The following MTF1 variants were observed in gnomAD, a reference collection of about 807,000 sequenced individuals.
MTF1 encodes MRE-binding transcription factor.
Under a neutral mutation model 70.4 loss-of-function variants are expected in MTF1, and 22 were observed. The ratio of observed to expected loss-of-function variants is 0.31; its 90% CI spans 0.22 to 0.45. The LOEUF is 0.45. MTF1 is among the 20% of genes least tolerant of loss of function. The pLI is 1.00. For missense variants in MTF1, 649 were observed against 922.0 expected, an observed-to-expected ratio of 0.70 and a Z score of 3.83; for synonymous variants, 333 against 352.8, an observed-to-expected ratio of 0.94 and a Z score of 0.63.
chr1:37,849,739 T>C (rs974094390), intron 2 of MTF1, among the ~76,000 whole-genome samples: 2 of 151,996 alleles, frequency 1.3e-5, no homozygotes, highest in East Asian at 3.9e-4. Flanking sequence ...GAAAACACAG[T>C]TGCCAGGTGT....
At chr1:37,859,219 G>A (rs1240295226) in intron 1 of MTF1, among the ~76,000 whole-genome samples, 1 of 152,366 alleles carries the variant, frequency 6.6e-6, no homozygotes, top group Middle Eastern at 3.4e-3. Flanking sequence ...CCAACGAGGA[G>A]TGCGAACAGA....
intron 2 of MTF1, among the ~76,000 whole-genome samples, chr1:37,851,718 A>G (rs1190835212): frequency 6.6e-6 from 1 of 152,202 alleles, no homozygotes; most frequent in Non-Finnish European, 1.5e-5. Flanking sequence ...ACTTTCACAC[A>G]GTAATCACTG....
At chr1:37,853,253 A>T (rs943244302) in intron 2 of MTF1, among the ~76,000 whole-genome samples, 2 of 152,178 alleles carry the variant, frequency 1.3e-5, no homozygotes, top group African/African-American at 4.8e-5. Context: ...CATTTCTAGG[A>T]GAGTACAGTT....
intron 4 of MTF1, among the ~76,000 whole-genome samples, chr1:37,836,127 A>G (rs997061114): frequency 5.3e-5 from 8 of 152,128 alleles, no homozygotes; most frequent in African/African-American, 1.2e-4. Flanking sequence ...ATAGAAACTA[A>G]AACAAATATT....
intron 2 of MTF1, among the ~76,000 whole-genome samples, chr1:37,854,531 T>A (rs1641461761): frequency 6.6e-6 from 1 of 152,202 alleles, no homozygotes; most frequent in Non-Finnish European, 1.5e-5. Context: ...CTCCACAGTA[T>A]GACAATACAA....
intron 3 of MTF1, 102 bp from the exon 4 acceptor site, chr1:37,838,858 G>A (rs911548827): frequency 5.3e-6 from 5 of 939,962 alleles, no homozygotes; most frequent in African/African-American, 3.4e-5. Context: ...AGGCTGGAGT[G>A]CAATGGCGCA....
chr1:37,856,847 C>T (rs1641504853), intron 2 of MTF1, among the ~76,000 whole-genome samples: 1 of 152,162 alleles, frequency 6.6e-6, no homozygotes. Context: ...CCAGCAGATA[C>T]TCATCTCTAA....
intron 4 of MTF1, among the ~76,000 whole-genome samples, chr1:37,836,357 A>G (rs1309232113): frequency 1.3e-5 from 2 of 152,138 alleles, no homozygotes; most frequent in East Asian, 3.8e-4. Context: ...TCCATATGAA[A>G]AATCTGCCAG....
At chr1:37,834,345 G>GA (rs397694522) in intron 6 of MTF1, among the ~76,000 whole-genome samples, 1 of 148,266 alleles carries the variant, frequency 6.7e-6, no homozygotes, top group Non-Finnish European at 1.5e-5. Context: ...GAAGCTACTG[G>GA]AGGCCAGGTG....
intron 2 of MTF1, among the ~76,000 whole-genome samples, chr1:37,856,503 T>C (rs529774451): frequency 1.5e-3 from 226 of 147,708 alleles, no homozygotes; most frequent in African/African-American, 4.6e-3. Flanking sequence ...TTCTTTCTTT[T>C]TTTTTTTTTT....
intron 9 of MTF1, 29 bp from the exon 10 acceptor site, chr1:37,817,511 T>C (rs1004912280): frequency 3.3e-6 from 5 of 1,530,542 alleles, no homozygotes; most frequent in Non-Finnish European, 4.5e-6. Flanking sequence ...ATCTCATTTA[T>C]AGCCACTGTA....
chr1:37,835,887 A>G (rs1442275445), intron 4 of MTF1, 143 bp from the exon 5 acceptor site: 15 of 624,870 alleles, frequency 2.4e-5, no homozygotes, highest in Admixed American at 1.2e-4. Flanking sequence ...TGCAAGCTCC[A>G]CCTCCCGGGT....
chr1:37,852,022 C>T (rs1557599199), intron 2 of MTF1, among the ~76,000 whole-genome samples: 2 of 152,160 alleles, frequency 1.3e-5, no homozygotes. Flanking sequence ...AAGGCTTCTT[C>T]GGGGCTCCTC....
chr1:37,834,539 T>C, intron 6 of MTF1: 1 of 359,940 alleles, frequency 2.8e-6, no homozygotes, highest in Non-Finnish European at 5.6e-6. Context: ...ATTATCTGCT[T>C]TATGGTTCAG....
At chr1:37,829,124 CTT>C (rs34618286) in intron 7 of MTF1, among the ~76,000 whole-genome samples, 8 of 146,542 alleles carry the variant, frequency 5.5e-5, no homozygotes, top group Non-Finnish European at 4.5e-5. Context: ...TCTTTTTTTT[CTT>C]TTTTTTTTTG....
intron 2 of MTF1, among the ~76,000 whole-genome samples, chr1:37,845,085 C>T (rs1481307255): frequency 6.6e-6 from 1 of 152,196 alleles, no homozygotes; most frequent in Non-Finnish European, 1.5e-5. Flanking sequence ...GCAAGGACTA[C>T]GTTTATCCTG....
At chr1:37,847,184 T>G (rs1443110446) in intron 2 of MTF1, among the ~76,000 whole-genome samples, 1 of 152,234 alleles carries the variant, frequency 6.6e-6, no homozygotes, top group East Asian at 1.9e-4. Flanking sequence ...GAACAAGTAC[T>G]GCTGTCCCTT....
Position 37,814,978 on chromosome 1 carries a change from A to G in MTF1, c.*158T>C. 2 of 630,830 alleles carry G rather than the reference A, an allele frequency of 3.2e-6. No homozygotes were observed. Among genetic ancestry groups the G allele is most frequent in the Non-Finnish European group, 5.4e-6 (2 of 371,938 alleles). 39.1% of individuals were successfully genotyped at this position (630,830 alleles called of 1,614,324 possible). A position where few individuals can be genotyped will look rare whatever the true frequency, so the allele number is the denominator to read the frequency against. ...TCCAAAGAATAGTTCCTTAAAATGG[A>G]TGCTCCTGGGATGTGAATAAAGAAA... On this transcript the variant is annotated 3_prime_UTR_variant, in exon 11 of 11. Coordinates refer to ENST00000373036, the MANE Select transcript of MTF1 (RefSeq NM_005955.3).
At chr1:37,833,503 T>C (rs1641119195) in intron 6 of MTF1, among the ~76,000 whole-genome samples, 1 of 152,188 alleles carries the variant, frequency 6.6e-6, no homozygotes, top group Admixed American at 6.5e-5. Flanking sequence ...TAGCCCTGCT[T>C]ACCTCAGATG....
Sources: allele counts gnomAD v4.1 joint callset (sites outside exome capture counted in the v4.1 genomes callset), GRCh38; gene constraint gnomAD v4.1.1; transcripts MANE v1.5; gene names NCBI Gene and HGNC (gene_info 2026-07-23, HGNC 2026-07-21).